The following DENND10 variants were observed in gnomAD, a reference collection of about 807,000 sequenced individuals.
The protein encoded by DENND10 is DENN domain containing 10.
A neutral mutation model predicts 43.6 loss-of-function variants in DENND10; 24 were observed. The observed-to-expected ratio is 0.55, with a 90% CI of 0.40 to 0.77. DENND10 has a LOEUF of 0.77. DENND10 is among the 30% of genes least tolerant of loss of function. The pLI is 0.00. For synonymous variants in DENND10, 125 were observed against 157.6 expected, an observed-to-expected ratio of 0.79 and a Z score of 1.55; for missense variants, 303 against 429.9, an observed-to-expected ratio of 0.70 and a Z score of 2.61.
chr10:119,136,378 A>C (rs1322254446), intron 8 of DENND10, 93 bp from the exon 9 acceptor site: 2 of 1,437,668 alleles, frequency 1.4e-6, no homozygotes, highest in Middle Eastern at 1.8e-4. Flanking sequence ...CATAGTTTAT[A>C]AACAGTCTGG....
intron 8 of DENND10, chr10:119,133,918 C>T (rs1846193265): frequency 1.3e-5 from 2 of 152,114 alleles, no homozygotes; most frequent in Admixed American, 1.3e-4. Context: ...AAAAGTGCTA[C>T]CTAGATGACT....
chr10:119,136,521 A>T lies in DENND10; in HGVS notation c.948A>T (p.Ser316=), dbSNP rs1374313063. The T allele has an allele frequency of 6.3e-7, 1 of 1,595,374 alleles. No individual in the cohort carries two copies. The highest frequency in any genetic ancestry group is 1.9e-5 in the Admixed American group (1 of 53,276). ...REIFTNLAPF[S]EVSADGEKRV... ...TCTTTACCAACCTAGCACCGTTTTC[A>T]GAAGTTTCGGCTGATGGAGAAAAGA... is the stretch of plus-strand genomic sequence containing the variant. The change falls in exon 9 of 9, where the codon TCA becomes TCT. Residue 316 remains serine, a synonymous_variant. Coordinates refer to ENST00000361432, the MANE Select transcript of DENND10 (RefSeq NM_207009.4).
intron 1 of DENND10, among the ~76,000 whole-genome samples, chr10:119,106,350 T>C (rs1844696868): frequency 6.6e-6 from 1 of 152,182 alleles, no homozygotes; most frequent in Non-Finnish European, 1.5e-5. Context: ...CAATTTTTTA[T>C]TTGTAGTCTT....
chr10:119,110,092 C>T (rs1564780477), intron 2 of DENND10, among the ~76,000 whole-genome samples: 2 of 152,032 alleles, frequency 1.3e-5, no homozygotes, highest in South Asian at 2.1e-4. Context: ...GATTAACAGG[C>T]GCGAGCCACC....
chr10:119,107,310 A>G (rs1336790951), intron 1 of DENND10, among the ~76,000 whole-genome samples: 1 of 151,918 alleles, frequency 6.6e-6, no homozygotes, highest in African/African-American at 2.4e-5. Flanking sequence ...AAAAAAAAAA[A>G]AGAATTATTC....
intron 8 of DENND10, chr10:119,134,759 T>C (rs1340703136): frequency 2.0e-5 from 3 of 152,216 alleles, no homozygotes; most frequent in Admixed American, 6.5e-5. Context: ...AAGAGGACTT[T>C]TGGGAAGAGA....
At chr10:119,119,541 C>T (rs1037220818) in intron 4 of DENND10, among the ~76,000 whole-genome samples, 7 of 151,726 alleles carry the variant, frequency 4.6e-5, no homozygotes, top group Admixed American at 2.6e-4. Flanking sequence ...CCTCCCAAAG[C>T]GCTGGGATTA....
chr10:119,124,021 G>T (rs1302480209), intron 6 of DENND10, among the ~76,000 whole-genome samples: 1 of 149,570 alleles, frequency 6.7e-6, no homozygotes, highest in Non-Finnish European at 1.5e-5. Context: ...GAGAAACCCC[G>T]TCTCTACTAA....
At chr10:119,122,637 G>C (rs970429985) in intron 5 of DENND10, among the ~76,000 whole-genome samples, 1 of 152,074 alleles carries the variant, frequency 6.6e-6, no homozygotes, top group Non-Finnish European at 1.5e-5. Context: ...AGGGCACCAG[G>C]GGTTCATGAA....
intron 4 of DENND10, among the ~76,000 whole-genome samples, chr10:119,118,998 C>T (rs1476101379): frequency 6.9e-6 from 1 of 145,416 alleles, no homozygotes; most frequent in Non-Finnish European, 1.5e-5. Context: ...CACCTGCCAC[C>T]ACACCCAGCT....
chr10:119,135,804 A>AAAAAAAAAAAAAAAAAAAAAAAAC (rs1846316563), intron 8 of DENND10, among the ~76,000 whole-genome samples: 2 of 149,762 alleles, frequency 1.3e-5, no homozygotes, highest in African/African-American at 4.9e-5. Flanking sequence ...AAAAAAAAAA[A>AAAAAAAAAAAAAAAAAAAAAAAAC]AAAAAAAAAA....
At position 119,132,521 on chromosome 10, in the gene DENND10, T is replaced by C. The variant is rs968863348; in HGVS notation, c.809T>C (p.Met270Thr). The C allele has an allele frequency of 1.2e-6, 2 of 1,613,354 alleles. No individual in the cohort carries two copies. Among genetic ancestry groups the C allele is most frequent in the Non-Finnish European group, 1.7e-6 (2 of 1,179,276 alleles). Residue 270 changes from methionine (M) to threonine (T), a missense_variant, in exon 8 of 9, where the codon ATG becomes ACG. Transcript: ENST00000361432. The surrounding 1 kb of genome is among the most constrained non-coding windows in gnomAD (Gnocchi z 4.2). ...ITIAPLAKEA[M>T]AMGKLHKEMG... ...ACCTTCTTGATCTCACCAGAGGCCA[T>C]GGCAATGGGCAAACTGCACAAAGAA...
intron 1 of DENND10, chr10:119,105,554 G>A: frequency 8.9e-7 from 1 of 1,122,534 alleles, no homozygotes; most frequent in Admixed American, 3.7e-5. Context: ...CAAAACCTAA[G>A]TAACTTAGTT....
chr10:119,118,566 G>A (rs146233106), intron 4 of DENND10, among the ~76,000 whole-genome samples: 3 of 152,244 alleles, frequency 2.0e-5, no homozygotes, highest in African/African-American at 7.2e-5. Flanking sequence ...TTTTGATCCC[G>A]CTGTTCTTTG....
chr10:119,105,399 C>T (rs1002730527), intron 1 of DENND10: 3 of 284,500 alleles, frequency 1.1e-5, no homozygotes, highest in African/African-American at 4.5e-5. Context: ...ACCATCCTCC[C>T]GCCTCGGCCT....
chr10:119,107,324 C>G (rs1844742885), intron 1 of DENND10, among the ~76,000 whole-genome samples: 1 of 150,690 alleles, frequency 6.6e-6, no homozygotes, highest in Non-Finnish European at 1.5e-5. Context: ...ATTATTCCAA[C>G]TAGTTAAAAA....
At chr10:119,105,429 G>T in intron 1 of DENND10, 1 of 570,578 alleles carries the variant, frequency 1.8e-6, no homozygotes, top group Non-Finnish European at 2.5e-6. Flanking sequence ...TGGGACCTCA[G>T]GCGTGCACCA....
chr10:119,123,622 TTCCTGAGACGGA>T, intron 6 of DENND10, 53 bp downstream of exon 6: 2 of 1,204,424 alleles, frequency 1.7e-6, no homozygotes, highest in Non-Finnish European at 2.4e-6. Context: ...TTTTTTTTTT[TTCCTGAGACGGA>T]TTTTCACTCT....
At chr10:119,130,760 G>A (rs1846048768) in intron 7 of DENND10, among the ~76,000 whole-genome samples, 1 of 152,186 alleles carries the variant, frequency 6.6e-6, no homozygotes, top group Admixed American at 6.5e-5. Flanking sequence ...TTGGCAGGAG[G>A]CCTCAGTTCC....
Sources: gnomAD v4.1 joint callset for allele counts (sites outside exome capture counted in the v4.1 genomes callset) on GRCh38, gnomAD v4.1.1 for gene constraint, Gnocchi (gnomAD v3.1) non-coding constraint, MANE v1.5 for transcripts, NCBI Gene and HGNC (gene_info 2026-07-23, HGNC 2026-07-21) for gene names.